The following MTERF3 variants were observed in gnomAD, a reference collection of about 807,000 sequenced individuals.
MTERF3 encodes the protein transcription termination factor 3, mitochondrial.
MTERF3 carries 40 observed loss-of-function variants against 40.5 expected under a neutral mutation model. The ratio of observed to expected loss-of-function variants is 0.99; its 90% CI spans 0.77 to 1.29. The LOEUF is 1.29. Among genes scored for constraint, MTERF3 ranks in the 50% most tolerant of loss-of-function variants. The probability of loss-of-function intolerance (pLI) is 0.00; values close to 1 mark genes in which losing one functional copy is unlikely to be tolerated. For synonymous variants in MTERF3, 158 were observed against 166.6 expected, an observed-to-expected ratio of 0.95 and a Z score of 0.40; for missense variants, 452 against 478.2, an observed-to-expected ratio of 0.95 and a Z score of 0.51.
intron 4 of MTERF3, among the ~76,000 whole-genome samples, chr8:96,250,329 G>GTTTT (rs35632317): frequency 7.2e-6 from 1 of 138,856 alleles, no homozygotes; most frequent in Admixed American, 7.3e-5. Flanking sequence ...TTGTTGATGG[G>GTTTT]TTTTTTTTTT....
chr8:96,252,126 C>T (rs563848217), intron 3 of MTERF3, among the ~76,000 whole-genome samples: 18 of 152,326 alleles, frequency 1.2e-4, no homozygotes, highest in African/African-American at 4.3e-4. Flanking sequence ...AATTGTGAGG[C>T]CTCCCCAGCC....
Position 96,261,512 on chromosome 8 carries a change from C to T in MTERF3, c.-22G>A, listed in dbSNP as rs1810388060. 2 of 152,640 alleles carry T rather than the reference C, an allele frequency of 1.3e-5. No homozygotes were observed. Among genetic ancestry groups the T allele is most frequent in the Non-Finnish European group, 2.9e-5 (2 of 68,290 alleles). The allele number at this position is 152,640 out of a possible 1,614,324, so 9.5% of individuals were successfully genotyped here. A position where few individuals can be genotyped will look rare whatever the true frequency, so the allele number is the denominator to read the frequency against. On this transcript the variant is annotated 5_prime_UTR_variant, in exon 1 of 8. Transcript: ENST00000287025. ...AGCTCCTGCTTTACCTGTGGCGAGG[C>T]CTGCTTCCCGTAGCGGGTGACCCCG... is the stretch of plus-strand genomic sequence containing the variant.
intron 7 of MTERF3, among the ~76,000 whole-genome samples, chr8:96,242,902 C>T (rs923060787): frequency 5.3e-5 from 8 of 152,178 alleles, no homozygotes; most frequent in Non-Finnish European, 8.8e-5. Flanking sequence ...GAATTACCCA[C>T]CAACCCAGGG....
intron 3 of MTERF3, among the ~76,000 whole-genome samples, chr8:96,255,466 T>C (rs1477062721): frequency 1.3e-5 from 2 of 151,810 alleles, no homozygotes; most frequent in East Asian, 1.9e-4. Context: ...GGGTGAAACC[T>C]CGTCTCTACT....
intron 7 of MTERF3, among the ~76,000 whole-genome samples, chr8:96,243,551 TTA>T (rs1456253637): frequency 2.0e-5 from 3 of 152,226 alleles, no homozygotes; most frequent in African/African-American, 7.2e-5. Context: ...TGGATCACTT[TTA>T]TATTGGGATG....
In MTERF3 at chr8:96,239,687, TAGAAA is replaced by T. The variant is rs766726846; in HGVS notation, c.1060-7_1060-3del. Reference sequence around the variant, plus strand: ...CTTAAACAGCCTTGTATTAAATACCTAGAAAAGAAAAAAAAGTTTTTAAAAAACAC... The same window carrying T: ...CTTAAACAGCCTTGTATTAAATACCTAGAAAAAAAAGTTTTTAAAAAACAC... On this transcript the variant is annotated splice_polypyrimidine_tract_variant and splice_region_variant and intron_variant, in intron 7 of 7. Transcript: ENST00000287025. 3 of 1,567,888 alleles carry T rather than the reference TAGAAA, an allele frequency of 1.9e-6. No homozygotes were observed. The African/African-American group carries it at 4.2e-5, about 22-fold the overall frequency.
chr8:96,250,681 A>AAGAAGAAGAAGAAGAAGGAGGAGG (rs1195195158), intron 4 of MTERF3, among the ~76,000 whole-genome samples: 1 of 23,340 alleles, frequency 4.3e-5, no homozygotes, highest in Non-Finnish European at 8.9e-5. Flanking sequence ...GAAGAAGAAG[A>AAGAAGAAGAAGAAGAAGGAGGAGG]AGGAGGAGGA....
At chr8:96,240,439 C>CCT (rs147944576) in intron 7 of MTERF3, among the ~76,000 whole-genome samples, 1 of 152,010 alleles carries the variant, frequency 6.6e-6, no homozygotes, top group South Asian at 2.1e-4. Context: ...ATCTGTAACA[C>CCT]CTCTCTCTCT....
intron 3 of MTERF3, among the ~76,000 whole-genome samples, chr8:96,253,978 A>G (rs970233220): frequency 3.9e-5 from 6 of 152,132 alleles, no homozygotes; most frequent in African/African-American, 1.4e-4. Context: ...ACTGCACTCC[A>G]GCCTGGGTGA....
intron 6 of MTERF3, 129 bp from the exon 7 acceptor site, chr8:96,244,209 G>A: frequency 2.9e-6 from 2 of 679,930 alleles, no homozygotes; most frequent in Admixed American, 2.9e-5. Flanking sequence ...GAGTGCAGTG[G>A]CATGATCTCC....
At chr8:96,239,978 C>T (rs1001484430) in intron 7 of MTERF3, 5 of 582,652 alleles carry the variant, frequency 8.6e-6, no homozygotes, top group East Asian at 5.8e-5. Flanking sequence ...AGCAAATCTT[C>T]GGCCGGGCGT....
rs769620943 is a variant in MTERF3, at chr8:96,258,741, A to T, written c.-10-41T>A. ...ATAACCGTCAAAAGAAGAGAAATTT[A>T]ATTTACTTAAATGTTTAAAACGGTA... On this transcript the variant is annotated intron_variant, in intron 1 of 7. Coordinates refer to ENST00000287025, the MANE Select transcript of MTERF3 (RefSeq NM_015942.5). 7 of 1,398,400 alleles carry T rather than the reference A, an allele frequency of 5.0e-6. No individual in the cohort carries two copies. The East Asian group carries it at 1.6e-4, about 32-fold the overall frequency. 86.6% of individuals were successfully genotyped at this position (1,398,400 alleles called of 1,614,324 possible). A position where few individuals can be genotyped will look rare whatever the true frequency, so the allele number is the denominator to read the frequency against.
At chr8:96,250,683 G>GAAGAAGAAGAAGAAGAAGAAGAA (rs1479466031) in intron 4 of MTERF3, among the ~76,000 whole-genome samples, 3 of 58,862 alleles carry the variant, frequency 5.1e-5, no homozygotes, top group Non-Finnish European at 7.4e-5. Context: ...AGAAGAAGAA[G>GAAGAAGAAGAAGAAGAAGAAGAA]GAGGAGGAGG....
Position 96,251,043 on chromosome 8 carries a change from CAG to C in MTERF3, c.538_539del (p.Leu180GlufsTer5). On this transcript the variant is annotated frameshift_variant, in exon 4 of 8. Coordinates refer to ENST00000287025, the MANE Select transcript of MTERF3 (RefSeq NM_015942.5). LOFTEE classifies it high-confidence loss of function. ...TAATGTCTTTTTCAAAATCCAGTCTCAGAAGGAGGTTTGCTGCTTCTGGATGT... is the reference window on the plus strand; with the variant it reads ...TAATGTCTTTTTCAAAATCCAGTCTCAAGGAGGTTTGCTGCTTCTGGATGT... ...EKHPEAANLL[L>X]RLDFEKDIKQ... 1 of 1,601,950 alleles carries C rather than the reference CAG, an allele frequency of 6.2e-7. No homozygotes were observed. Among genetic ancestry groups the C allele is most frequent in the Non-Finnish European group, 8.5e-7 (1 of 1,177,090 alleles).
In MTERF3 at chr8:96,251,070, T is replaced by C; in HGVS notation, c.513A>G (p.Lys171=). The C allele has an allele frequency of 6.3e-7, 1 of 1,586,110 alleles. No homozygotes were observed. The highest frequency in any genetic ancestry group is 8.5e-7 in the Non-Finnish European group (1 of 1,173,482). ...LLGVDLSKIE[K]HPEAANLLLR... ...GAAGGAGGTTTGCTGCTTCTGGATG[T>C]TTTTCTATCTTGGACAAATCCACGC... is the stretch of plus-strand genomic sequence containing the variant. The change falls in exon 4 of 8, where the codon AAA becomes AAG. Residue 171 remains lysine (K), a synonymous_variant. Transcript: ENST00000287025.
chr8:96,251,330 C>G lies in MTERF3; in HGVS notation c.488-235G>C, dbSNP rs1563549741. The stretch of plus-strand genomic sequence containing the variant: ...AGAGCATTTAGTGCTACATTTCCCC[C>G]CAAAACAAATTCACTAAGTCATATT... On this transcript the variant is annotated intron_variant, in intron 3 of 7. Transcript: ENST00000287025. Among the ~76,000 whole-genome samples the G allele has an allele frequency of 1.3e-5, 2 of 152,136 alleles. 1 individual carries two copies. Among genetic ancestry groups the G allele is most frequent in the South Asian group, 4.1e-4 (2 of 4,826 alleles).
chr8:96,239,969 G>C, intron 7 of MTERF3: 1 of 589,920 alleles, frequency 1.7e-6, no homozygotes, highest in South Asian at 2.1e-5. Flanking sequence ...TGTTAAAAAA[G>C]CAAATCTTCG....
At chr8:96,243,398 TCAGA>T (rs1174956277) in intron 7 of MTERF3, among the ~76,000 whole-genome samples, 1 of 152,226 alleles carries the variant, frequency 6.6e-6, no homozygotes, top group Non-Finnish European at 1.5e-5. Context: ...AGTGTATAAA[TCAGA>T]CAAAGTTTCT....
chr8:96,255,175 G>C (rs1302929561), intron 3 of MTERF3, among the ~76,000 whole-genome samples: 1 of 152,332 alleles, frequency 6.6e-6, no homozygotes, highest in African/African-American at 2.4e-5. Flanking sequence ...CTGAGGAGAA[G>C]ACTATCAAGA....
Sources: gnomAD v4.1 joint callset for allele counts (sites outside exome capture counted in the v4.1 genomes callset) on GRCh38, gnomAD v4.1.1 for gene constraint, MANE v1.5 for transcripts, NCBI Gene and HGNC (gene_info 2026-07-23, HGNC 2026-07-21) for gene names.